Variants in KCNIP4 observed in about 807,000 individuals in gnomAD.
KCNIP4 encodes the protein Kv channel-interacting protein 4.
In KCNIP4, 12 loss-of-function variants were observed where a neutral mutation model predicts 34.0. The ratio of observed to expected loss-of-function variants is 0.35; its 90% CI spans 0.23 to 0.57. KCNIP4 has a LOEUF of 0.57. Ranked by LOEUF, KCNIP4 falls within the 20% of genes least tolerant of loss-of-function variation. The pLI is 0.83. For missense variants in KCNIP4, 238 were observed against 311.7 expected, an observed-to-expected ratio of 0.76 and a Z score of 1.78; for synonymous variants, 124 against 102.2, an observed-to-expected ratio of 1.21 and a Z score of -1.29.
intron 1 of KCNIP4, among the ~76,000 whole-genome samples, chr4:20,946,145 T>G (rs1732170368): frequency 6.6e-6 from 1 of 151,896 alleles, no homozygotes; most frequent in South Asian, 2.1e-4. Flanking sequence ...CTGGTGGTGG[T>G]GGGTAGGAGG....
intron 1 of KCNIP4, among the ~76,000 whole-genome samples, chr4:21,076,971 A>G (rs1745545359): frequency 6.6e-6 from 1 of 152,034 alleles, no homozygotes; most frequent in Admixed American, 6.6e-5. Context: ...AAAAACACAA[A>G]AAAATTAGCT....
intron 1 of KCNIP4, among the ~76,000 whole-genome samples, chr4:21,596,271 C>A (rs896298531): frequency 6.6e-6 from 1 of 152,066 alleles, no homozygotes; most frequent in Non-Finnish European, 1.5e-5. Flanking sequence ...TGGATGAATT[C>A]TAATGGGCAA....
At chr4:21,303,539 A>G (rs1292557244) in intron 1 of KCNIP4, among the ~76,000 whole-genome samples, 1 of 152,224 alleles carries the variant, frequency 6.6e-6, no homozygotes, top group Non-Finnish European at 1.5e-5. Context: ...TAGATCCATT[A>G]CAAACCCTTA....
At chr4:21,555,322 C>T (rs1475147892) in intron 1 of KCNIP4, among the ~76,000 whole-genome samples, 2 of 152,086 alleles carry the variant, frequency 1.3e-5, no homozygotes, top group African/African-American at 2.4e-5. Context: ...TTGTCATGCA[C>T]ATGAGTTCTG....
chr4:21,432,683 G>A (rs1283462110), intron 1 of KCNIP4, among the ~76,000 whole-genome samples: 5 of 152,144 alleles, frequency 3.3e-5, no homozygotes, highest in Non-Finnish European at 1.5e-5. Flanking sequence ...AAAATTCCTG[G>A]AGGAAAAATT....
chr4:21,007,031 G>T (rs1220435979), intron 1 of KCNIP4, among the ~76,000 whole-genome samples: 1 of 152,034 alleles, frequency 6.6e-6, no homozygotes, highest in Non-Finnish European at 1.5e-5. Context: ...TAATGTAGAG[G>T]GAACACTGTT....
At chr4:21,664,557 T>G (rs747872668) in intron 1 of KCNIP4, among the ~76,000 whole-genome samples, 1 of 152,148 alleles carries the variant, frequency 6.6e-6, no homozygotes, top group Non-Finnish European at 1.5e-5. Flanking sequence ...TGGGCCTATC[T>G]AGGAAGATAG....
chr4:20,871,184 G>A lies in KCNIP4; in HGVS notation c.163+11424C>T, dbSNP rs545536961. Among the ~76,000 whole-genome samples, 31 of 152,144 alleles carry A rather than the reference G, an allele frequency of 2.0e-4. 1 individual carries two copies. The South Asian group carries it at 5.8e-3, about 29-fold the overall frequency. ...CCCAGGCATTGGTCAAGGTACAATG[G>A]ACATTAGAATGAACAAAAACAACCA... On this transcript the variant is annotated intron_variant, in intron 2 of 8. Coordinates refer to ENST00000382152, the MANE Select transcript of KCNIP4 (RefSeq NM_025221.6).
chr4:21,446,875 G>A (rs11731111), intron 1 of KCNIP4, among the ~76,000 whole-genome samples: 26 of 151,550 alleles, frequency 1.7e-4, no homozygotes, highest in Non-Finnish European at 2.1e-4. Context: ...GCTTTTTATT[G>A]TCAAGTAATA....
intron 1 of KCNIP4, among the ~76,000 whole-genome samples, chr4:21,619,634 G>A (rs1019628692): frequency 1.3e-5 from 2 of 152,182 alleles, no homozygotes; most frequent in Non-Finnish European, 2.9e-5. Flanking sequence ...TAGATCCCAA[G>A]GTGAGGCTCC....
chr4:21,422,373 G>A (rs533122042), intron 1 of KCNIP4, among the ~76,000 whole-genome samples: 58 of 152,062 alleles, frequency 3.8e-4, no homozygotes, highest in African/African-American at 1.3e-3. Flanking sequence ...GCTGATTTTT[G>A]TGTTTTTAGT....
In KCNIP4 at chr4:21,769,232, A is replaced by G. The variant is rs180935072; in HGVS notation, c.61+179339T>C. ...GGAAAACTGGATACTTTTATCATTT[A>G]TATTTATTTTATTGGGAGTGAACAT... On this transcript the variant is annotated intron_variant, in intron 1 of 8. Transcript: ENST00000382152. 1.5e-3 allele frequency among the ~76,000 whole-genome samples: 234 copies of G among 152,162 alleles called. 1 individual carries two copies. The highest frequency in any genetic ancestry group is 1.1e-3 in the Non-Finnish European group (77 of 67,956).
intron 1 of KCNIP4, among the ~76,000 whole-genome samples, chr4:21,826,518 G>GT (rs1484297736): frequency 6.6e-6 from 1 of 151,976 alleles, no homozygotes; most frequent in East Asian, 1.9e-4. Context: ...TCAACAAGGT[G>GT]TTTTTTAAAT....
intron 1 of KCNIP4, among the ~76,000 whole-genome samples, chr4:21,646,708 C>G (rs1747049311): frequency 6.6e-6 from 1 of 152,152 alleles, no homozygotes; most frequent in African/African-American, 2.4e-5. Context: ...GTGTGGCAAC[C>G]CCCACTCTCT....
At chr4:21,740,979 A>C (rs1435177814) in intron 1 of KCNIP4, among the ~76,000 whole-genome samples, 4 of 152,146 alleles carry the variant, frequency 2.6e-5, no homozygotes, top group African/African-American at 9.7e-5. Flanking sequence ...TGTTACCAAA[A>C]AGAGGGAGAG....
intron 1 of KCNIP4, among the ~76,000 whole-genome samples, chr4:21,427,364 C>T (rs1274781884): frequency 6.6e-6 from 1 of 151,102 alleles, no homozygotes; most frequent in African/African-American, 2.4e-5. Flanking sequence ...ATTTCCAAAC[C>T]TTCAGTGAAA....
chr4:21,337,439 C>G (rs968115196), intron 1 of KCNIP4, among the ~76,000 whole-genome samples: 5 of 152,064 alleles, frequency 3.3e-5, no homozygotes, highest in African/African-American at 1.2e-4. Flanking sequence ...TGGAAAGAAG[C>G]ATTGCAGAAA....
chr4:21,564,409 G>T (rs1032061969), intron 1 of KCNIP4, among the ~76,000 whole-genome samples: 2 of 152,070 alleles, frequency 1.3e-5, no homozygotes, highest in East Asian at 3.9e-4. Context: ...AGGTGGAAAA[G>T]AACTCACACA....
intron 1 of KCNIP4, among the ~76,000 whole-genome samples, chr4:21,589,221 C>T (rs1204429230): frequency 6.0e-5 from 6 of 100,318 alleles, no homozygotes; most frequent in Non-Finnish European, 1.0e-4. Context: ...TATAAGTACA[C>T]ATGTATCTAT....
Sources: gnomAD v4.1 joint callset for allele counts (sites outside exome capture counted in the v4.1 genomes callset) on GRCh38, gnomAD v4.1.1 for gene constraint, MANE v1.5 for transcripts, NCBI Gene and HGNC (gene_info 2026-07-23, HGNC 2026-07-21) for gene names.